STIMATE: variants seen among roughly 807,000 people sequenced by gnomAD.
STIMATE encodes store-operated calcium entry regulator STIMATE.
Under a neutral mutation model 36.7 loss-of-function variants are expected in STIMATE, and 15 were observed. That is an observed-to-expected ratio of 0.41 (90% confidence interval 0.27 to 0.63). The LOEUF (loss-of-function observed/expected upper bound fraction) is 0.63, where lower values mean the gene tolerates loss of function less well. STIMATE is among the 20% of genes least tolerant of loss of function. The pLI, the probability that STIMATE is intolerant of heterozygous loss-of-function variation, is 0.32. For missense variants in STIMATE, 305 were observed against 397.3 expected, an observed-to-expected ratio of 0.77 and a Z score of 1.98; for synonymous variants, 163 against 162.3, an observed-to-expected ratio of 1.00 and a Z score of -0.03.
At chr3:52,873,662 G>T (rs1212491071) in intron 1 of STIMATE, among the ~76,000 whole-genome samples, 2 of 152,192 alleles carry the variant, frequency 1.3e-5, no homozygotes, top group Non-Finnish European at 2.9e-5. Context: ...CAGGGATGAG[G>T]CTTCCAGGAT....
At chr3:52,859,531 A>AAAAAATAAATT (rs748928249) in intron 1 of STIMATE, among the ~76,000 whole-genome samples, 1 of 18,810 alleles carries the variant, frequency 5.3e-5, no homozygotes, top group African/African-American at 1.3e-4. Flanking sequence ...AAAAAAAAAA[A>AAAAAATAAATT]TTTTTTTTTT....
intron 1 of STIMATE, among the ~76,000 whole-genome samples, chr3:52,863,816 G>A (rs1369519714): frequency 6.6e-6 from 1 of 152,212 alleles, no homozygotes; most frequent in African/African-American, 2.4e-5. Context: ...GCCCATGCAA[G>A]TCCGAAATCC....
chr3:52,837,301 A>G lies in STIMATE; in HGVS notation c.*3193T>C, dbSNP rs1234452551. ...ACATAAACTTGGGGCTGCACCCTAC[A>G]GGCTTACACTGTCTAAGGGAAGTCA... On this transcript the variant is annotated 3_prime_UTR_variant, in exon 8 of 8. Coordinates refer to ENST00000355083, the MANE Select transcript of STIMATE (RefSeq NM_198563.5). The G allele has an allele frequency of 6.6e-6, 1 of 152,332 alleles. No individual in the cohort carries two copies. Among genetic ancestry groups the G allele is most frequent in the Non-Finnish European group, 1.5e-5 (1 of 68,140 alleles). 9.4% of individuals were successfully genotyped at this position (152,332 alleles called of 1,614,324 possible).
chr3:52,844,897 A>G lies in STIMATE; in HGVS notation c.472T>C (p.Tyr158His). ...CGAWVGQCAL[Y>H]IVIMIFEKSV... is the part of the protein sequence containing the mutation. ...TTTTCAAAAATCATGATCACGATGT[A>G]AAGAGCGCACTGCCCGACCCAGGCT... is the stretch of plus-strand genomic sequence containing the variant. Residue 158 changes from tyrosine (Y) to histidine (H), a missense_variant, in exon 5 of 8, where the codon TAC becomes CAC. Tyr to His is a moderately conservative substitution (Grantham distance 83). This residue lies in a region of STIMATE where 164 missense variants were observed against 257.9 expected (regional missense o/e 0.64). Coordinates refer to ENST00000355083, the MANE Select transcript of STIMATE (RefSeq NM_198563.5). The G allele has an allele frequency of 6.2e-7, 1 of 1,614,110 alleles. No homozygotes were observed. Among genetic ancestry groups the G allele is most frequent in the Non-Finnish European group, 8.5e-7 (1 of 1,180,018 alleles).
At chr3:52,889,150 A>C (rs1345020367) in intron 1 of STIMATE, among the ~76,000 whole-genome samples, 1 of 152,206 alleles carries the variant, frequency 6.6e-6, no homozygotes, top group Non-Finnish European at 1.5e-5. Context: ...TCAGCGGAGA[A>C]GGCTTCTCAC....
intron 1 of STIMATE, among the ~76,000 whole-genome samples, chr3:52,883,802 C>T (rs1186175446): frequency 2.0e-5 from 3 of 151,934 alleles, no homozygotes; most frequent in Non-Finnish European, 4.4e-5. Context: ...TTCCATTGTG[C>T]TTATTATTTT....
chr3:52,890,791 T>C (rs960588233), intron 1 of STIMATE, among the ~76,000 whole-genome samples: 1 of 152,198 alleles, frequency 6.6e-6, no homozygotes, highest in Non-Finnish European at 1.5e-5. Flanking sequence ...ACTCAGCAGG[T>C]AACCTGAAGC....
intron 1 of STIMATE, among the ~76,000 whole-genome samples, chr3:52,880,623 G>A (rs1680559047): frequency 6.6e-6 from 1 of 152,100 alleles, no homozygotes; most frequent in African/African-American, 2.4e-5. Flanking sequence ...TCCTGGGGCT[G>A]CTGGTACCTT....
intron 4 of STIMATE, chr3:52,847,936 G>A (rs142578682): frequency 8.9e-5 from 18 of 202,674 alleles, no homozygotes; most frequent in African/African-American, 2.8e-4. Context: ...GAGGGGCCGC[G>A]AGCCAAGGCT....
intron 4 of STIMATE, among the ~76,000 whole-genome samples, chr3:52,845,196 AAAAGCACT>A (rs1253873272): frequency 6.6e-6 from 1 of 152,260 alleles, no homozygotes; most frequent in Admixed American, 6.5e-5. Context: ...GATAGGATTA[AAAAGCACT>A]AAAGTTAGGA....
At chr3:52,883,199 G>C (rs543900701) in intron 1 of STIMATE, among the ~76,000 whole-genome samples, 17 of 152,246 alleles carry the variant, frequency 1.1e-4, no homozygotes, top group African/African-American at 4.1e-4. Flanking sequence ...TTTATAAAAG[G>C]TATTTCTCAC....
At chr3:52,869,633 A>T (rs562699133) in intron 1 of STIMATE, among the ~76,000 whole-genome samples, 1 of 152,350 alleles carries the variant, frequency 6.6e-6, no homozygotes, top group African/African-American at 2.4e-5. Context: ...CCCACTAGAC[A>T]ATTAGTTAAG....
chr3:52,850,605 A>G (rs1234539907), intron 3 of STIMATE, among the ~76,000 whole-genome samples: 1 of 152,240 alleles, frequency 6.6e-6, no homozygotes, highest in African/African-American at 2.4e-5. Context: ...CAGGAGGCCC[A>G]GAACAGTGCT....
chr3:52,845,944 G>A (rs1700890527), intron 4 of STIMATE, among the ~76,000 whole-genome samples: 1 of 150,458 alleles, frequency 6.6e-6, no homozygotes, highest in African/African-American at 2.5e-5. Flanking sequence ...GTGGCGGGGG[G>A]GCGGGAGGCT....
At chr3:52,892,004 G>A (rs527775657) in intron 1 of STIMATE, among the ~76,000 whole-genome samples, 1 of 152,296 alleles carries the variant, frequency 6.6e-6, no homozygotes, top group East Asian at 1.9e-4. Context: ...AGTTGCTCAG[G>A]GGCACCACAT....
At chr3:52,882,887 A>G (rs577794753) in intron 1 of STIMATE, among the ~76,000 whole-genome samples, 3 of 152,156 alleles carry the variant, frequency 2.0e-5, no homozygotes, top group Admixed American at 2.0e-4. Flanking sequence ...AAGGCATCAT[A>G]AACAGGGGAC....
chr3:52,894,334 T>C (rs1381765837), intron 1 of STIMATE, among the ~76,000 whole-genome samples: 5 of 152,196 alleles, frequency 3.3e-5, no homozygotes, highest in Non-Finnish European at 7.3e-5. Context: ...CCTGTAACAG[T>C]CTGCATGTTT....
rs137874007 is a variant in STIMATE at position 52,849,846 on chromosome 3, C to T, written c.373G>A (p.Val125Ile). ...TGCTGCCACTCTACCAGGACGCTGA[C>T]GGCGCGCACCCCCACGTAGATGAGC... ...MLLIYVGVRA[V>I]SVLVEWQQWE... is the part of the protein sequence containing the mutation. The change falls in exon 4 of 8, where the codon GTC becomes ATC. Residue 125 changes from valine (V) to isoleucine (I), a missense_variant. This residue lies in a region of STIMATE where 164 missense variants were observed against 257.9 expected (regional missense o/e 0.64). Coordinates refer to ENST00000355083, the MANE Select transcript of STIMATE (RefSeq NM_198563.5). The T allele has an allele frequency of 1.5e-3, 2,500 of 1,613,840 alleles. 4 individuals are homozygous for T. Among genetic ancestry groups the T allele is most frequent in the Admixed American group, 2.6e-3 (157 of 60,024 alleles).
chr3:52,858,547 C>A (rs1212556764), intron 1 of STIMATE, among the ~76,000 whole-genome samples: 1 of 152,116 alleles, frequency 6.6e-6, no homozygotes, highest in Non-Finnish European at 1.5e-5. Flanking sequence ...ATTGGTTGAG[C>A]CCAGGAGGTT....
Sources: gnomAD v4.1 joint callset for allele counts (sites outside exome capture counted in the v4.1 genomes callset) on GRCh38, gnomAD v4.1.1 for gene constraint, gnomAD v4.1.1 regional missense constraint, MANE v1.5 for transcripts, NCBI Gene and HGNC (gene_info 2026-07-23, HGNC 2026-07-21) for gene names.